Variants in TRDN observed in about 807,000 individuals in gnomAD.
TRDN encodes the protein triadin, also known as triadin in skeletal muscle.
TRDN carries 161 observed loss-of-function variants against 149.7 expected under a neutral mutation model. The ratio of observed to expected loss-of-function variants is 1.08; its 90% CI spans 0.95 to 1.23. The LOEUF is 1.23. Among genes scored for constraint, TRDN ranks in the 50% most tolerant of loss-of-function variants. TRDN has a pLI of 0.00. For synonymous variants in TRDN, 294 were observed against 250.5 expected (o/e 1.17, Z -1.64); for missense variants, 896 against 823.5 (o/e 1.09, Z -1.08).
chr6:123,226,794 G>T (rs145471956), intron 38 of TRDN, among the ~76,000 whole-genome samples: 56 of 151,996 alleles, frequency 3.7e-4, no homozygotes, highest in African/African-American at 1.3e-3. Context: ...ATTTGACTCT[G>T]AGAAGGTAGA....
chr6:123,456,931 T>C, intron 10 of TRDN: 1 of 445,376 alleles, frequency 2.2e-6, no homozygotes, highest in Admixed American at 2.4e-5. Flanking sequence ...ACAGACCAGA[T>C]CGCAAACAAA....
At chr6:123,356,304 T>A (rs1208415449) in intron 20 of TRDN, among the ~76,000 whole-genome samples, 2 of 151,444 alleles carry the variant, frequency 1.3e-5, no homozygotes, top group African/African-American at 4.8e-5. Context: ...TTGTGATGAA[T>A]TATATCAAAT....
chr6:123,398,241 G>C (rs535941464), intron 12 of TRDN, among the ~76,000 whole-genome samples: 1 of 152,112 alleles, frequency 6.6e-6, no homozygotes, highest in Non-Finnish European at 1.5e-5. Flanking sequence ...TGCTGACCTC[G>C]TGATTCACCT....
Position 123,547,330 on chromosome 6 carries a change from A to G in TRDN, c.424+10T>C. The stretch of plus-strand genomic sequence containing the variant: ...AAAAATAATTATTATCAAAGGTGAA[A>G]ACAACTAACCTTTTTTTCTCAAGGG... On this transcript the variant is annotated intron_variant, in intron 4 of 40. Transcript: ENST00000334268. 1 of 1,447,554 alleles carries G rather than the reference A, an allele frequency of 6.9e-7. No individual in the cohort carries two copies. Among genetic ancestry groups the G allele is most frequent in the South Asian group, 1.5e-5 (1 of 66,566 alleles). The allele number at this position is 1,447,554 out of a possible 1,614,324, so 89.7% of individuals were successfully genotyped here.
chr6:123,460,439 A>C (rs1776385302), intron 10 of TRDN, among the ~76,000 whole-genome samples: 1 of 152,138 alleles, frequency 6.6e-6, no homozygotes, highest in African/African-American at 2.4e-5. Context: ...CTTTAAGTTA[A>C]ATAGGTGGTA....
chr6:123,346,084 C>T (rs143657377), intron 21 of TRDN, among the ~76,000 whole-genome samples: 107 of 152,116 alleles, frequency 7.0e-4, no homozygotes, highest in African/African-American at 2.5e-3. Flanking sequence ...GGCGTGAAAG[C>T]GAACATCCTT....
chr6:123,388,359 CTG>C (rs1582954014), intron 14 of TRDN, among the ~76,000 whole-genome samples, 161 bp downstream of exon 14: 1 of 152,108 alleles, frequency 6.6e-6, no homozygotes, highest in East Asian at 1.9e-4. Flanking sequence ...GCTCACCCTT[CTG>C]TGTGAGGTGA....
At chr6:123,411,826 G>C (rs926649641) in intron 12 of TRDN, 9 of 152,126 alleles carry the variant, frequency 5.9e-5, no homozygotes, top group African/African-American at 1.7e-4. Context: ...AGCATACAGA[G>C]AATTAAGAAG....
intron 2 of TRDN, among the ~76,000 whole-genome samples, chr6:123,558,784 C>G (rs1030526644): frequency 6.6e-6 from 1 of 151,612 alleles, no homozygotes; most frequent in African/African-American, 2.4e-5. Context: ...CAATGTATTT[C>G]TGAGTTGCAA....
intron 1 of TRDN, among the ~76,000 whole-genome samples, chr6:123,584,102 G>A (rs1439952763): frequency 6.6e-6 from 1 of 152,030 alleles, no homozygotes; most frequent in Non-Finnish European, 1.5e-5. Flanking sequence ...GGGGAAATGG[G>A]GTGAATGTCA....
chr6:123,346,383 C>A (rs974975653), intron 21 of TRDN, among the ~76,000 whole-genome samples: 1 of 151,724 alleles, frequency 6.6e-6, no homozygotes, highest in Non-Finnish European at 1.5e-5. Flanking sequence ...ACGTATAATT[C>A]TTTTTATGTA....
chr6:123,222,729 T>A (rs906594211), intron 39 of TRDN, among the ~76,000 whole-genome samples: 4 of 151,562 alleles, frequency 2.6e-5, no homozygotes, highest in South Asian at 2.1e-4. Context: ...ACTTTTTTTT[T>A]ATATGCAAAC....
At chr6:123,596,635 A>C (rs1784051303) in intron 1 of TRDN, among the ~76,000 whole-genome samples, 1 of 152,096 alleles carries the variant, frequency 6.6e-6, no homozygotes, top group African/African-American at 2.4e-5. Flanking sequence ...GGTGACTTTA[A>C]GTTGAATCCA....
At chr6:123,498,522 A>G (rs767755997) in intron 8 of TRDN, 59 of 470,438 alleles carry the variant, frequency 1.3e-4, no homozygotes, top group Non-Finnish European at 2.3e-4. Context: ...ATTGGAGCAC[A>G]TTTTCCCACA....
intron 1 of TRDN, among the ~76,000 whole-genome samples, chr6:123,602,854 A>T (rs561280303): frequency 2.7e-4 from 41 of 152,226 alleles, no homozygotes; most frequent in African/African-American, 9.4e-4. Flanking sequence ...CCAGCAACAA[A>T]GTAAAAACAA....
intron 8 of TRDN, chr6:123,498,718 A>G (rs1025229867): frequency 1.1e-4 from 45 of 424,656 alleles, no homozygotes; most frequent in Non-Finnish European, 1.9e-4. Context: ...TGTTTTCCTG[A>G]ACAAAACTGT....
At chr6:123,290,077 T>G (rs1019169897) in intron 24 of TRDN, among the ~76,000 whole-genome samples, 1 of 152,160 alleles carries the variant, frequency 6.6e-6, no homozygotes, top group Non-Finnish European at 1.5e-5. Flanking sequence ...CTGAACATTT[T>G]TCTTTAGTGT....
intron 38 of TRDN, among the ~76,000 whole-genome samples, chr6:123,225,163 G>T (rs1034696330): frequency 2.6e-5 from 4 of 151,578 alleles, no homozygotes; most frequent in East Asian, 1.9e-4. Flanking sequence ...ATCATGAAAT[G>T]AAATAAAACC....
At chr6:123,350,254 T>G in intron 21 of TRDN, 1 of 962,618 alleles carries the variant, frequency 1.0e-6, no homozygotes, top group Non-Finnish European at 1.2e-6. Context: ...ACTACATTAT[T>G]CTGTAATAAA....
Sources: gnomAD v4.1 joint callset for allele counts (sites outside exome capture counted in the v4.1 genomes callset) on GRCh38, gnomAD v4.1.1 for gene constraint, MANE v1.5 for transcripts, NCBI Gene and HGNC (gene_info 2026-07-23, HGNC 2026-07-21) for gene names.